Variants in RASAL1 observed in about 807,000 individuals in gnomAD.
RASAL1 encodes rasGAP-activating-like protein 1.
A neutral mutation model predicts 96.6 loss-of-function variants in RASAL1; 72 were observed. That is an observed-to-expected ratio of 0.75 (90% CI 0.62 to 0.91). The LOEUF is 0.91. RASAL1 is among the 40% of genes least tolerant of loss of function. The pLI, the probability that RASAL1 is intolerant of heterozygous loss-of-function variation, is 0.00. For missense variants in RASAL1, 1,016 were observed against 1,072.5 expected (o/e 0.95, Z 0.74); for synonymous variants, 405 against 430.4 (o/e 0.94, Z 0.73).
intron 17 of RASAL1, 40 bp from the exon 18 acceptor site, chr12:113,104,121 A>T: frequency 6.3e-7 from 1 of 1,588,050 alleles, no homozygotes; most frequent in Non-Finnish European, 8.6e-7. Context: ...GGGTGGGAAC[A>T]GAGGGACGCC....
intron 8 of RASAL1, among the ~76,000 whole-genome samples, chr12:113,116,422 A>G (rs1951087878): frequency 6.6e-6 from 1 of 152,170 alleles, no homozygotes; most frequent in Admixed American, 6.5e-5. Flanking sequence ...ACAAGTGCGC[A>G]TGGGCAGGTG....
At position 113,111,332 on chromosome 12, in the gene RASAL1, T is replaced by C. The variant is rs551415719; in HGVS notation, c.1374+754A>G. On this transcript the variant is annotated intron_variant, in intron 13 of 20. Coordinates refer to ENST00000548055, the MANE Select transcript of RASAL1 (RefSeq NM_001301202.2). The stretch of plus-strand genomic sequence containing the variant: ...ACTTACTTTGTGCCAGACTCTATTA[T>C]TTGCTGGTTATGAGCACAGACTCAG... 2.0e-5 allele frequency among the ~76,000 whole-genome samples: 3 copies of C among 152,260 alleles called. No homozygotes were observed. The South Asian group carries it at 6.2e-4, about 32-fold the overall frequency.
chr12:113,135,260 C>G lies in RASAL1; in HGVS notation c.65+138G>C. 7.8e-6 allele frequency: 6 copies of G among 774,048 alleles called. No individual in the cohort carries two copies. Among genetic ancestry groups the G allele is most frequent in the Non-Finnish European group, 1.2e-5 (6 of 492,232 alleles). The allele number at this position is 774,048 out of a possible 1,614,324, so 47.9% of individuals were successfully genotyped here. On this transcript the variant is annotated intron_variant, in intron 1 of 20. Coordinates refer to ENST00000548055, the MANE Select transcript of RASAL1 (RefSeq NM_001301202.2). The surrounding 1 kb of genome is among the most constrained non-coding windows in gnomAD (Gnocchi z 5.7). The stretch of plus-strand genomic sequence containing the variant: ...CATGCGGCCTCTCGCCCCTTTAAAG[C>G]GGAACTGCCCCAAGACCAGTCTTGG...
At chr12:113,112,954 AAAATAAATAAAT>A (rs3038168) in intron 12 of RASAL1, among the ~76,000 whole-genome samples, 2 of 149,610 alleles carry the variant, frequency 1.3e-5, no homozygotes, top group East Asian at 4.0e-4. Context: ...TCCATCTCAA[AAAATAAATAAAT>A]AAATAAATAA....
rs1278027547 is a variant in RASAL1 at position 113,130,355 on chromosome 12, C to G, written c.122+530G>C. Among the ~76,000 whole-genome samples, 1 of 152,180 alleles carries G rather than the reference C, an allele frequency of 6.6e-6. No individual in the cohort carries two copies. Among genetic ancestry groups the G allele is most frequent in the African/African-American group, 2.4e-5 (1 of 41,446 alleles). On this transcript the variant is annotated intron_variant, in intron 2 of 20. Coordinates refer to ENST00000548055, the MANE Select transcript of RASAL1 (RefSeq NM_001301202.2). The surrounding 1 kb of genome is among the most constrained non-coding windows in gnomAD (Gnocchi z 5.1). ...TGCATGTGCAGGGCAGCCATGTGCA[C>G]GTGCATGTACATGCACCCTACACTG...
chr12:113,100,701 A>G (rs959605519), intron 19 of RASAL1, 21 bp from the exon 20 acceptor site: 2 of 1,601,456 alleles, frequency 1.2e-6, no homozygotes, highest in Admixed American at 1.7e-5. Context: ...AGAGGGAGAA[A>G]GACAAGTCTG....
At chr12:113,125,221 G>A (rs934557910) in intron 4 of RASAL1, among the ~76,000 whole-genome samples, 8 of 151,886 alleles carry the variant, frequency 5.3e-5, no homozygotes, top group African/African-American at 1.7e-4. Context: ...GTTCTTTTTA[G>A]GTCTAACAGA....
rs1433955400 is a variant in RASAL1 at position 113,129,686 on chromosome 12, T to A, written c.122+1199A>T. 5.3e-5 allele frequency among the ~76,000 whole-genome samples: 8 copies of A among 152,158 alleles called. No homozygotes were observed. Among genetic ancestry groups the A allele is most frequent in the Admixed American group, 4.6e-4 (7 of 15,292 alleles). On this transcript the variant is annotated intron_variant, in intron 2 of 20. Transcript: ENST00000548055. The surrounding 1 kb of genome is among the most constrained non-coding windows in gnomAD (Gnocchi z 5.0). ...CTTCCTCCCTCCTTTCACCACACTG[T>A]GCCCTAAGAAAGAGTGCACATATGC...
chr12:113,115,166 C>A lies in RASAL1; in HGVS notation c.1068+34G>T, dbSNP rs1374050769. The A allele has an allele frequency of 4.4e-6, 7 of 1,583,788 alleles. No individual in the cohort carries two copies. Among genetic ancestry groups the A allele is most frequent in the Admixed American group, 1.7e-5 (1 of 59,958 alleles). On this transcript the variant is annotated intron_variant, in intron 11 of 20. Transcript: ENST00000548055. This position sits in a 1 kb window ranked among gnomAD's most constrained non-coding sequence, Gnocchi z 4.1. Reference sequence around the variant, plus strand: ...ACTGGGAAGGAGGTACCCGAGGAAGCTGCGCCTGGTCCCGCAGGCCTTCAC... The same window carrying A: ...ACTGGGAAGGAGGTACCCGAGGAAGATGCGCCTGGTCCCGCAGGCCTTCAC...
chr12:113,133,617 G>A (rs1951797950), intron 1 of RASAL1, among the ~76,000 whole-genome samples: 1 of 152,154 alleles, frequency 6.6e-6, no homozygotes, highest in South Asian at 2.1e-4. Flanking sequence ...GGCAGAATCT[G>A]GGCCCTTTCC....
At chr12:113,123,217 A>G (rs1592943930) in intron 4 of RASAL1, among the ~76,000 whole-genome samples, 2 of 152,338 alleles carry the variant, frequency 1.3e-5, no homozygotes, top group Middle Eastern at 6.8e-3. Context: ...TATTATAATT[A>G]CAGAATCTAA....
At chr12:113,116,106 A>C in intron 8 of RASAL1, 55 bp from the exon 9 acceptor site, 16 of 1,449,608 alleles carry the variant, frequency 1.1e-5, no homozygotes, top group Non-Finnish European at 1.5e-5. Flanking sequence ...ACGATGGCTC[A>C]CGCCTGTAAT....
chr12:113,103,592 T>A (rs1321462265), intron 18 of RASAL1, among the ~76,000 whole-genome samples: 2 of 149,850 alleles, frequency 1.3e-5, no homozygotes, highest in African/African-American at 4.9e-5. Flanking sequence ...GGCAATAGAG[T>A]GAGACTCTGT....
chr12:113,135,257 A>G lies in RASAL1; in HGVS notation c.65+141T>C. On this transcript the variant is annotated intron_variant, in intron 1 of 20. Coordinates refer to ENST00000548055, the MANE Select transcript of RASAL1 (RefSeq NM_001301202.2). The surrounding 1 kb of genome is among the most constrained non-coding windows in gnomAD (Gnocchi z 5.7). ...GGGCATGCGGCCTCTCGCCCCTTTA[A>G]AGCGGAACTGCCCCAAGACCAGTCT... 1.3e-6 allele frequency: 1 copy of G among 761,840 alleles called. No homozygotes were observed. The highest frequency in any genetic ancestry group is 2.9e-5 in the East Asian group (1 of 35,056). 47.2% of individuals were successfully genotyped at this position (761,840 alleles called of 1,614,324 possible). A position where few individuals can be genotyped will look rare whatever the true frequency, so the allele number is the denominator to read the frequency against.
At chr12:113,111,820 C>CTCACGTGAA (rs1950873299) in intron 13 of RASAL1, among the ~76,000 whole-genome samples, 1 of 152,150 alleles carries the variant, frequency 6.6e-6, no homozygotes. Context: ...TCTCGAACTC[C>CTCACGTGAA]TCACTTCACT....
intron 13 of RASAL1, among the ~76,000 whole-genome samples, chr12:113,108,886 G>A (rs1950750735): frequency 6.9e-6 from 1 of 145,164 alleles, no homozygotes; most frequent in Non-Finnish European, 1.5e-5. Flanking sequence ...TCAGGCTGGA[G>A]TGCAGTGGCA....
intron 19 of RASAL1, among the ~76,000 whole-genome samples, chr12:113,101,245 G>A (rs1190262130): frequency 2.0e-5 from 3 of 152,092 alleles, no homozygotes; most frequent in Non-Finnish European, 4.4e-5. Flanking sequence ...GTGAAACCCC[G>A]TCTCTACTAA....
At chr12:113,125,815 A>G (rs1300237076) in intron 4 of RASAL1, among the ~76,000 whole-genome samples, 1 of 152,244 alleles carries the variant, frequency 6.6e-6, no homozygotes, top group Admixed American at 6.5e-5. Context: ...TTATTGTAGC[A>G]TTGCTTGAAC....
intron 2 of RASAL1, among the ~76,000 whole-genome samples, chr12:113,128,572 C>T (rs1294368052): frequency 1.3e-5 from 2 of 151,766 alleles, no homozygotes; most frequent in African/African-American, 2.4e-5. Flanking sequence ...GGCCCCAATA[C>T]ACATCTAAGG....
Sources: gnomAD v4.1 joint callset for allele counts (sites outside exome capture counted in the v4.1 genomes callset) on GRCh38, gnomAD v4.1.1 for gene constraint, Gnocchi (gnomAD v3.1) non-coding constraint, MANE v1.5 for transcripts, NCBI Gene and HGNC (gene_info 2026-07-23, HGNC 2026-07-21) for gene names.